Variants in SKA3 observed in about 807,000 individuals in gnomAD.
SKA3 encodes the protein spindle and kinetochore associated complex subunit 3, also known as spindle and kinetochore-associated protein 3.
Under a neutral mutation model 44.2 loss-of-function variants are expected in SKA3, and 39 were observed. That is an observed-to-expected ratio of 0.88 (90% CI 0.68 to 1.15). The LOEUF (loss-of-function observed/expected upper bound fraction) is 1.15. Ranked by LOEUF, SKA3 falls within the 50% of genes most tolerant of loss-of-function variation. The pLI is 0.00. For missense variants in SKA3, 511 were observed against 485.8 expected, an observed-to-expected ratio of 1.05 and a Z score of -0.49; for synonymous variants, 192 against 172.0, an observed-to-expected ratio of 1.12 and a Z score of -0.91.
Position 21,154,938 on chromosome 13 carries a change from G to A in SKA3, c.*212C>T. The stretch of plus-strand genomic sequence containing the variant: ...GAAACACTAATAATCCTTAAAGAGT[G>A]AATGACTGGGCTACATGTCAACAAG... On this transcript the variant is annotated 3_prime_UTR_variant, in exon 9 of 9. Coordinates refer to ENST00000314759, the MANE Select transcript of SKA3 (RefSeq NM_145061.6). 1.3e-6 allele frequency: 1 copy of A among 749,124 alleles called. No individual in the cohort carries two copies. The highest frequency in any genetic ancestry group is 2.8e-5 in the Admixed American group (1 of 35,744). 46.4% of individuals were successfully genotyped at this position (749,124 alleles called of 1,614,324 possible).
chr13:21,158,853 TC>T (rs1289067198), intron 6 of SKA3, among the ~76,000 whole-genome samples: 13 of 152,168 alleles, frequency 8.5e-5, no homozygotes, highest in Admixed American at 4.6e-4. Flanking sequence ...ATTGGGTAAG[TC>T]GCTTCATCTC....
chr13:21,167,640 G>A (rs1595302778), intron 4 of SKA3, among the ~76,000 whole-genome samples: 1 of 151,796 alleles, frequency 6.6e-6, no homozygotes, highest in Non-Finnish European at 1.5e-5. Context: ...GGTGGCTGGC[G>A]CCTGTATTCC....
Position 21,168,086 on chromosome 13 carries a change from A to G in SKA3, c.645T>C (p.Cys215=), listed in dbSNP as rs1270250845. 6 of 1,614,056 alleles carry G rather than the reference A, an allele frequency of 3.7e-6. No individual in the cohort carries two copies. Among genetic ancestry groups the G allele is most frequent in the Non-Finnish European group, 5.1e-6 (6 of 1,180,006 alleles). Residue 215 remains cysteine (C), a synonymous_variant, in exon 4 of 9, where the codon TGT becomes TGC. Transcript: ENST00000314759. ...CAAAGTGTTCTAATTTAGGAGTTAC[A>G]CACTCAAAATCATCCATTTTTAGTG... ...KCALKMDDFE[C]VTPKLEHFGI... is the part of the protein sequence containing the mutation.
chr13:21,176,472 G>A lies in SKA3; in HGVS notation c.6C>T (p.Asp2=). The change falls in exon 1 of 9, where the codon GAC becomes GAT. Residue 2 remains aspartate, a synonymous_variant. Transcript: ENST00000314759. Reference sequence around the variant, plus strand: ...GCTTCCCGCAGAAGCTCCGGATAGGGTCCATGCTGAGCACAGCGGGGAAGG... The same window carrying A: ...GCTTCCCGCAGAAGCTCCGGATAGGATCCATGCTGAGCACAGCGGGGAAGG... M[D]PIRSFCGKLR... 1 of 1,559,486 alleles carries A rather than the reference G, an allele frequency of 6.4e-7. No individual in the cohort carries two copies. The highest frequency in any genetic ancestry group is 8.7e-7 in the Non-Finnish European group (1 of 1,151,772).
In SKA3 at chr13:21,158,121, G is replaced by T; in HGVS notation, c.920C>A (p.Ser307Tyr). 7 of 1,557,356 alleles carry T rather than the reference G, an allele frequency of 4.5e-6. No individual in the cohort carries two copies. The highest frequency in any genetic ancestry group is 2.2e-5 in the East Asian group (1 of 44,532). Reference sequence around the variant, plus strand: ...TGTTTTTGATAATGGGTAATTTGTGGATACCTATTGAATAAAAATAGACCA... The same window carrying T: ...TGTTTTTGATAATGGGTAATTTGTGTATACCTATTGAATAAAAATAGACCA... Reference protein sequence around the residue: ...PSTKNSIALVSTNYPLSKTNS... With the variant: ...PSTKNSIALVYTNYPLSKTNS... Residue 307 changes from serine to tyrosine, a missense_variant, in exon 7 of 9, where the codon TCC becomes TAC. Transcript: ENST00000314759.
Position 21,155,054 on chromosome 13 carries a change from G to T in SKA3, c.*96C>A. ...TTTAAAATGGGTCAACGTTTAAAGGGGGACAGAGGCAGGGCAATGTGAATG... is the reference window on the plus strand; with the variant it reads ...TTTAAAATGGGTCAACGTTTAAAGGTGGACAGAGGCAGGGCAATGTGAATG... On this transcript the variant is annotated 3_prime_UTR_variant, in exon 9 of 9. Transcript: ENST00000314759. The T allele has an allele frequency of 6.3e-7, 1 of 1,584,260 alleles. No homozygotes were observed. The highest frequency in any genetic ancestry group is 1.8e-5 in the Admixed American group (1 of 56,550).
In SKA3 at chr13:21,172,423, T is replaced by G. The variant is rs1355145931; in HGVS notation, c.247A>C (p.Met83Leu). The G allele has an allele frequency of 1.9e-6, 3 of 1,593,450 alleles. No individual in the cohort carries two copies. In the Admixed American group the frequency reaches 5.6e-5, roughly 30 times the overall value. The change falls in exon 3 of 9, where the codon ATG becomes CTG. Residue 83 changes from methionine to leucine, a missense_variant. Coordinates refer to ENST00000314759, the MANE Select transcript of SKA3 (RefSeq NM_145061.6). Reference sequence around the variant, plus strand: ...ATAATATCCATTGAATTTTTTTCCATTAGTACTTTTGTTGCCTTTATGAAA... The same window carrying G: ...ATAATATCCATTGAATTTTTTTCCAGTAGTACTTTTGTTGCCTTTATGAAA... ...IDFIKATKVL[M>L]EKNSMDIMKI... is the part of the protein sequence containing the mutation.
Position 21,168,088 on chromosome 13 carries a change from A to C in SKA3, c.643T>G (p.Cys215Gly). 3.7e-6 allele frequency: 6 copies of C among 1,614,198 alleles called. No homozygotes were observed. The highest frequency in any genetic ancestry group is 3.4e-6 in the Non-Finnish European group (4 of 1,180,024). ...KCALKMDDFE[C>G]VTPKLEHFGI... ...AAGTGTTCTAATTTAGGAGTTACAC[A>C]CTCAAAATCATCCATTTTTAGTGCA... Residue 215 changes from cysteine (C) to glycine (G), a missense_variant, in exon 4 of 9, where the codon TGT (cysteine) becomes GGT (glycine). Cys to Gly is a radical substitution (Grantham distance 159). Coordinates refer to ENST00000314759, the MANE Select transcript of SKA3 (RefSeq NM_145061.6).
chr13:21,156,185 TAAAAAA>T (rs35208915), intron 7 of SKA3, among the ~76,000 whole-genome samples: 1 of 128,888 alleles, frequency 7.8e-6, no homozygotes, highest in Non-Finnish European at 1.6e-5. Context: ...AGACTTGGTC[TAAAAAA>T]AAAAAAAAAA....
intron 8 of SKA3, 123 bp downstream of exon 8, chr13:21,155,570 C>A (rs573955183): frequency 8.0e-5 from 54 of 676,150 alleles, no homozygotes; most frequent in Non-Finnish European, 1.3e-4. Flanking sequence ...CCACACCTGG[C>A]TAATTTTTGT....
At chr13:21,169,868 G>A (rs1870939897) in intron 3 of SKA3, among the ~76,000 whole-genome samples, 1 of 152,070 alleles carries the variant, frequency 6.6e-6, no homozygotes. Flanking sequence ...GAACTCCTGG[G>A]CTCAAGTGAT....
chr13:21,159,131 G>A (rs530364393), intron 6 of SKA3, among the ~76,000 whole-genome samples: 1 of 152,080 alleles, frequency 6.6e-6, no homozygotes, highest in South Asian at 2.1e-4. Flanking sequence ...AGATATACTA[G>A]CCACATTTTC....
In SKA3 at chr13:21,157,890, A is replaced by AAAAT. The variant is rs760042868; in HGVS notation, c.1119+31_1119+32insATTT. The AAAAT allele has an allele frequency of 4.1e-5, 33 of 799,712 alleles. No individual in the cohort carries two copies. In the South Asian group the frequency reaches 5.6e-4, roughly 13 times the overall value. The allele number at this position is 799,712 out of a possible 1,614,324, so 49.5% of individuals were successfully genotyped here. Reference sequence around the variant, plus strand: ...ATTTCATATTGAAAAGAATATCAGCAAAAAAAAAAAAAAATAGCCTGGAAA... The same window carrying AAAAT: ...ATTTCATATTGAAAAGAATATCAGCAAAATAAAAAAAAAAAAAATAGCCTGGAAA... On this transcript the variant is annotated intron_variant, in intron 7 of 8. Transcript: ENST00000314759.
In SKA3 at chr13:21,176,507, G is replaced by C. The variant is rs182540472; in HGVS notation, c.-30C>G. On this transcript the variant is annotated 5_prime_UTR_variant, in exon 1 of 9. Coordinates refer to ENST00000314759, the MANE Select transcript of SKA3 (RefSeq NM_145061.6). Reference sequence around the variant, plus strand: ...AGCACAGCGGGGAAGGACTCCAGGCGTACGCAGACCCCACCGCTCAGCTCA... The same window carrying C: ...AGCACAGCGGGGAAGGACTCCAGGCCTACGCAGACCCCACCGCTCAGCTCA... 467 of 1,451,218 alleles carry C rather than the reference G, an allele frequency of 3.2e-4. No individual in the cohort carries two copies. The highest frequency in any genetic ancestry group is 3.8e-4 in the Non-Finnish European group (410 of 1,088,212). 89.9% of individuals were successfully genotyped at this position (1,451,218 alleles called of 1,614,324 possible).
chr13:21,175,358 G>T (rs1412680801), intron 1 of SKA3, among the ~76,000 whole-genome samples: 1 of 150,480 alleles, frequency 6.6e-6, no homozygotes, highest in Non-Finnish European at 1.5e-5. Flanking sequence ...CTCACTGCAA[G>T]TTCCGCCTCC....
At chr13:21,155,858 T>TA in intron 7 of SKA3, 47 bp from the exon 8 acceptor site, 1 of 872,742 alleles carries the variant, frequency 1.1e-6, no homozygotes, top group Middle Eastern at 2.6e-4. Flanking sequence ...ATATGAATAA[T>TA]ATAACCTAAA....
chr13:21,165,824 A>G (rs1595301586), intron 4 of SKA3, among the ~76,000 whole-genome samples: 3 of 151,898 alleles, frequency 2.0e-5, no homozygotes, highest in African/African-American at 7.3e-5. Flanking sequence ...AGTCCCAGCT[A>G]CTCAGGTGGC....
intron 1 of SKA3, 131 bp from the exon 2 acceptor site, chr13:21,172,812 A>G (rs1355692232): frequency 3.6e-6 from 2 of 560,850 alleles, no homozygotes; most frequent in South Asian, 2.6e-5. Context: ...CAGTGGTACC[A>G]TAAGATAATA....
chr13:21,171,446 G>A lies in SKA3; in HGVS notation c.331+893C>T, dbSNP rs562401899. Among the ~76,000 whole-genome samples, 37 of 152,016 alleles carry A rather than the reference G, an allele frequency of 2.4e-4. No homozygotes were observed. The South Asian group carries it at 6.9e-3, about 28-fold the overall frequency. Reference sequence around the variant, plus strand: ...AAAAAAATTAGCTGGGCGTGGTGGCGGGCCCCTGTAGTCCCAACTACTCAG... The same window carrying A: ...AAAAAAATTAGCTGGGCGTGGTGGCAGGCCCCTGTAGTCCCAACTACTCAG... On this transcript the variant is annotated intron_variant, in intron 3 of 8. Transcript: ENST00000314759.
Sources: allele counts gnomAD v4.1 joint callset (sites outside exome capture counted in the v4.1 genomes callset), GRCh38; gene constraint gnomAD v4.1.1; transcripts MANE v1.5; gene names NCBI Gene and HGNC (gene_info 2026-07-23, HGNC 2026-07-21).